The following NDST4 variants were observed in gnomAD, a reference collection of about 807,000 sequenced individuals.
The protein encoded by NDST4 is N-deacetylase and N-sulfotransferase 4.
NDST4 carries 63 observed loss-of-function variants against 100.8 expected under a neutral mutation model. The observed-to-expected ratio is 0.62, with a 90% CI of 0.51 to 0.77. The LOEUF (loss-of-function observed/expected upper bound fraction) is 0.77, where lower values mean the gene tolerates loss of function less well. NDST4 is among the 30% of genes least tolerant of loss of function. The pLI is 0.00. For missense variants in NDST4, 943 were observed against 1,018.4 expected (o/e 0.93, Z 1.01); for synonymous variants, 377 against 361.8 (o/e 1.04, Z -0.48).
chr4:114,972,157 TTGTAC>T (rs1726529310), intron 3 of NDST4, among the ~76,000 whole-genome samples: 1 of 152,034 alleles, frequency 6.6e-6, no homozygotes, highest in Non-Finnish European at 1.5e-5. Flanking sequence ...TCCCTTTACC[TTGTAC>T]TGTAACACGC....
chr4:114,941,002 G>T (rs1388276589), intron 4 of NDST4, among the ~76,000 whole-genome samples: 1 of 152,136 alleles, frequency 6.6e-6, no homozygotes, highest in African/African-American at 2.4e-5. Context: ...CATTCAAGTG[G>T]GAAAACAAGA....
chr4:115,083,991 A>C (rs1729359389), intron 1 of NDST4, among the ~76,000 whole-genome samples: 1 of 152,166 alleles, frequency 6.6e-6, no homozygotes, highest in African/African-American at 2.4e-5. Flanking sequence ...ATGTTGAAGC[A>C]ACATTGGAAC....
At chr4:114,836,470 G>T (rs11098271) in intron 11 of NDST4, among the ~76,000 whole-genome samples, 43,016 of 152,034 alleles carry the variant, frequency 0.28, 8,341 homozygotes, top group African/African-American at 0.55. Flanking sequence ...GCTTGTAGGG[G>T]TTCTGCAGAG....
chr4:114,939,395 A>T (rs1356892800), intron 4 of NDST4, among the ~76,000 whole-genome samples: 1 of 152,144 alleles, frequency 6.6e-6, no homozygotes, highest in East Asian at 1.9e-4. Context: ...ATTCATACTG[A>T]GGTTTTATAA....
At chr4:115,024,185 G>A (rs1041825095) in intron 2 of NDST4, among the ~76,000 whole-genome samples, 1 of 152,134 alleles carries the variant, frequency 6.6e-6, no homozygotes, top group Non-Finnish European at 1.5e-5. Context: ...AAACACAGGA[G>A]TGAAGCCACT....
chr4:114,925,893 A>G (rs1725376491), intron 6 of NDST4, among the ~76,000 whole-genome samples: 2 of 152,116 alleles, frequency 1.3e-5, no homozygotes, highest in African/African-American at 2.4e-5. Context: ...GAAAAAATTA[A>G]ATCCTGTAGG....
intron 1 of NDST4, among the ~76,000 whole-genome samples, chr4:115,102,665 A>C (rs1213376278): frequency 1.3e-5 from 2 of 150,428 alleles, no homozygotes; most frequent in African/African-American, 4.9e-5. Context: ...CTTAAAATTC[A>C]CATCAGTGGT....
chr4:115,044,897 A>G (rs750286178), intron 2 of NDST4, among the ~76,000 whole-genome samples: 13 of 151,944 alleles, frequency 8.6e-5, no homozygotes, highest in Non-Finnish European at 1.6e-4. Flanking sequence ...GATTAAAATG[A>G]ATTCAAATTT....
intron 6 of NDST4, among the ~76,000 whole-genome samples, chr4:114,932,056 G>A (rs986652916): frequency 2.6e-5 from 4 of 151,792 alleles, no homozygotes; most frequent in Non-Finnish European, 5.9e-5. Flanking sequence ...GAAAATTACA[G>A]GGTAATATTT....
At chr4:114,948,181 T>C (rs1004934661) in intron 4 of NDST4, among the ~76,000 whole-genome samples, 1 of 152,052 alleles carries the variant, frequency 6.6e-6, no homozygotes, top group Non-Finnish European at 1.5e-5. Flanking sequence ...TTACGAGGCA[T>C]TTTCCCAACT....
intron 1 of NDST4, among the ~76,000 whole-genome samples, chr4:115,078,906 A>T (rs1010318020): frequency 6.6e-6 from 1 of 152,080 alleles, no homozygotes; most frequent in Non-Finnish European, 1.5e-5. Context: ...TGGGATACAT[A>T]AGCAAAGAAA....
At chr4:114,859,420 A>G (rs1319066698) in intron 7 of NDST4, among the ~76,000 whole-genome samples, 1 of 152,208 alleles carries the variant, frequency 6.6e-6, no homozygotes, top group Non-Finnish European at 1.5e-5. Context: ...TTCCCCAGGC[A>G]GGAAGTTTAT....
chr4:115,080,714 A>ATAG (rs112496464), intron 1 of NDST4, among the ~76,000 whole-genome samples: 7 of 151,506 alleles, frequency 4.6e-5, no homozygotes, highest in Non-Finnish European at 1.0e-4. Flanking sequence ...GTGTGTAATA[A>ATAG]TGAAAGTGAA....
intron 2 of NDST4, among the ~76,000 whole-genome samples, chr4:115,059,577 T>C (rs114810301): frequency 0.012 from 1,843 of 151,954 alleles, 37 homozygotes; most frequent in African/African-American, 0.042. Flanking sequence ...ACCCAAGGAG[T>C]TCTATTATTT....
intron 2 of NDST4, among the ~76,000 whole-genome samples, chr4:115,045,193 T>C (rs866497522): frequency 1.3e-5 from 2 of 151,898 alleles, no homozygotes; most frequent in Non-Finnish European, 2.9e-5. Context: ...CTTCCATATA[T>C]AGAAGGGGAA....
intron 2 of NDST4, among the ~76,000 whole-genome samples, chr4:114,987,651 T>C (rs1404368573): frequency 6.6e-6 from 1 of 152,152 alleles, no homozygotes; most frequent in Non-Finnish European, 1.5e-5. Context: ...AATAATTGTA[T>C]CTTCAAAATG....
intron 7 of NDST4, among the ~76,000 whole-genome samples, chr4:114,857,760 C>T (rs76314529): frequency 3.6e-4 from 55 of 152,190 alleles, no homozygotes; most frequent in African/African-American, 1.2e-3. Context: ...AAGGATATGA[C>T]AAACTAATCA....
chr4:114,885,246 G>T (rs1724453894), intron 6 of NDST4, among the ~76,000 whole-genome samples: 1 of 152,046 alleles, frequency 6.6e-6, no homozygotes, highest in Non-Finnish European at 1.5e-5. Flanking sequence ...TCCATCCTTG[G>T]TTATCTGTCA....
At chr4:115,009,505 C>A (rs1727495078) in intron 2 of NDST4, among the ~76,000 whole-genome samples, 3 of 123,948 alleles carry the variant, frequency 2.4e-5, no homozygotes, top group African/African-American at 9.5e-5. Flanking sequence ...AAACTGGATC[C>A]CTTCCTTACA....
Sources: allele counts gnomAD v4.1 joint callset (sites outside exome capture counted in the v4.1 genomes callset), GRCh38; gene constraint gnomAD v4.1.1; transcripts MANE v1.5; gene names NCBI Gene and HGNC (gene_info 2026-07-23, HGNC 2026-07-21).